Variants in ARL3 observed in about 807,000 individuals in gnomAD.
ARL3 encodes ARF like GTPase 3, also known as ADP-ribosylation factor-like protein 3.
In ARL3, 9 loss-of-function variants were observed where a neutral mutation model predicts 26.0. That is an observed-to-expected ratio of 0.35 (90% CI 0.21 to 0.60). ARL3 has a LOEUF of 0.60. Among genes scored for constraint, ARL3 ranks in the 20% least tolerant of loss-of-function variants. ARL3 has a pLI of 0.78. For missense variants in ARL3, 158 were observed against 215.7 expected (o/e 0.73, Z 1.67); for synonymous variants, 71 against 78.4 (o/e 0.91, Z 0.50).
At chr10:102,681,770 C>T (rs1347308642) in intron 5 of ARL3, among the ~76,000 whole-genome samples, 1 of 152,256 alleles carries the variant, frequency 6.6e-6, no homozygotes, top group Middle Eastern at 3.4e-3. Flanking sequence ...GTTAAAACTT[C>T]GGATCTCTGC....
chr10:102,688,714 G>A (rs1392863586), intron 4 of ARL3, among the ~76,000 whole-genome samples: 1 of 152,024 alleles, frequency 6.6e-6, no homozygotes, highest in Admixed American at 6.5e-5. Context: ...TGTTAGCCAG[G>A]ATGGTCTTGA....
chr10:102,710,745 T>C (rs1399610010), intron 1 of ARL3, among the ~76,000 whole-genome samples: 1 of 151,926 alleles, frequency 6.6e-6, no homozygotes, highest in African/African-American at 2.4e-5. Context: ...GTATACAAGT[T>C]ATCTACACCC....
In ARL3 at chr10:102,674,211, G is replaced by A. The variant is rs922855531; in HGVS notation, c.*2683C>T. On this transcript the variant is annotated 3_prime_UTR_variant, in exon 6 of 6. Coordinates refer to ENST00000260746, the MANE Select transcript of ARL3 (RefSeq NM_004311.4). ...TCCTCCCAGCAGCCGTGGGAGCTGCGGACTCCTTTAACCCTGGCACATTTC... is the reference window on the plus strand; with the variant it reads ...TCCTCCCAGCAGCCGTGGGAGCTGCAGACTCCTTTAACCCTGGCACATTTC... 1 of 152,210 alleles carries A rather than the reference G, an allele frequency of 6.6e-6. No homozygotes were observed. Among genetic ancestry groups the A allele is most frequent in the Admixed American group, 6.6e-5 (1 of 15,262 alleles). 9.4% of individuals were successfully genotyped at this position (152,210 alleles called of 1,614,324 possible).
At chr10:102,712,997 G>C (rs993127767) in intron 1 of ARL3, among the ~76,000 whole-genome samples, 3 of 143,472 alleles carry the variant, frequency 2.1e-5, no homozygotes, top group African/African-American at 7.7e-5. Context: ...AATCAATTGA[G>C]TTTTTTTTTT....
In ARL3 at chr10:102,685,363, A is replaced by G. The variant is rs577482391; in HGVS notation, c.501+453T>C. ...GCCTCCCAGTGGGAAACCAACCTGA[A>G]GTAGCAGGAAACAGACACCAACCCT... On this transcript the variant is annotated intron_variant, in intron 5 of 5. Transcript: ENST00000260746. Among the ~76,000 whole-genome samples, 6 of 152,276 alleles carry G rather than the reference A, an allele frequency of 3.9e-5. No individual in the cohort carries two copies. In the South Asian group the frequency reaches 1.2e-3, roughly 32 times the overall value.
Position 102,714,368 on chromosome 10 carries a change from A to C in ARL3, c.-93T>G, listed in dbSNP as rs1375487353. 1.6e-5 allele frequency: 19 copies of C among 1,222,036 alleles called. No homozygotes were observed. Among genetic ancestry groups the C allele is most frequent in the South Asian group, 1.2e-4 (3 of 25,816 alleles). 75.7% of individuals were successfully genotyped at this position (1,222,036 alleles called of 1,614,324 possible). ...CGGCGCCGCCCCCGACGTCCCTCGCACGCACAGCTGAGGAGCTGAGCAGCA... is the reference window on the plus strand; with the variant it reads ...CGGCGCCGCCCCCGACGTCCCTCGCCCGCACAGCTGAGGAGCTGAGCAGCA... On this transcript the variant is annotated 5_prime_UTR_variant, in exon 1 of 6. Coordinates refer to ENST00000260746, the MANE Select transcript of ARL3 (RefSeq NM_004311.4).
At chr10:102,686,312 T>A (rs925448943) in intron 4 of ARL3, among the ~76,000 whole-genome samples, 3 of 151,918 alleles carry the variant, frequency 2.0e-5, no homozygotes, top group African/African-American at 4.8e-5. Flanking sequence ...CCTCAGGTGA[T>A]CCACCCACCT....
chr10:102,687,910 C>T (rs1446666225), intron 4 of ARL3, among the ~76,000 whole-genome samples: 2 of 152,062 alleles, frequency 1.3e-5, no homozygotes, highest in African/African-American at 4.8e-5. Context: ...TTATTACCTG[C>T]AAATAACTTT....
chr10:102,688,251 G>C (rs1475976509), intron 4 of ARL3, among the ~76,000 whole-genome samples: 2 of 152,182 alleles, frequency 1.3e-5, no homozygotes, highest in Non-Finnish European at 2.9e-5. Flanking sequence ...CTTTCAAAGA[G>C]AACTGTATGG....
intron 4 of ARL3, among the ~76,000 whole-genome samples, chr10:102,687,486 G>A (rs942011614): frequency 3.3e-5 from 5 of 151,758 alleles, no homozygotes; most frequent in Admixed American, 6.6e-5. Flanking sequence ...GGCGGAGTTC[G>A]AGACCAGTCT....
At position 102,699,442 on chromosome 10, in the gene ARL3, T is replaced by C. The variant is rs747603636; in HGVS notation, c.195A>G (p.Val65=). 5 of 1,613,070 alleles carry C rather than the reference T, an allele frequency of 3.1e-6. No homozygotes were observed. The highest frequency in any genetic ancestry group is 1.7e-5 in the Admixed American group (1 of 59,948). The change falls in exon 3 of 6, where the codon GTA becomes GTG. Residue 65 remains valine (V), a synonymous_variant. Transcript: ENST00000260746. ...TTTTCCTCTGTCCACCAATGTCCCATACATTCAGTTTAAAACCTTGTGATT... is the reference window on the plus strand; with the variant it reads ...TTTTCCTCTGTCCACCAATGTCCCACACATTCAGTTTAAAACCTTGTGATT... ...SVQSQGFKLN[V]WDIGGQRKIR... is the part of the protein sequence containing the mutation.
At chr10:102,693,233 TAA>T (rs1452865802) in intron 3 of ARL3, among the ~76,000 whole-genome samples, 1 of 152,228 alleles carries the variant, frequency 6.6e-6, no homozygotes, top group African/African-American at 2.4e-5. Context: ...GACTGTATGC[TAA>T]GACTATGTTT....
chr10:102,693,275 C>T (rs2064229391), intron 3 of ARL3, among the ~76,000 whole-genome samples: 1 of 152,120 alleles, frequency 6.6e-6, no homozygotes, highest in Non-Finnish European at 1.5e-5. Flanking sequence ...AACTGTCTTC[C>T]AAAGTGGGTG....
chr10:102,710,477 C>G (rs2064332486), intron 1 of ARL3, among the ~76,000 whole-genome samples: 1 of 152,166 alleles, frequency 6.6e-6, no homozygotes, highest in Non-Finnish European at 1.5e-5. Context: ...TGAAGGGAGA[C>G]AGCGATTAGA....
intron 5 of ARL3, among the ~76,000 whole-genome samples, chr10:102,679,317 C>T (rs2135994979): frequency 6.6e-6 from 1 of 152,342 alleles, no homozygotes; most frequent in Non-Finnish European, 1.5e-5. Context: ...CTAGGGGAGG[C>T]TCCCATCAGA....
intron 4 of ARL3, among the ~76,000 whole-genome samples, chr10:102,687,840 T>G (rs573679652): frequency 6.6e-6 from 1 of 152,142 alleles, no homozygotes; most frequent in South Asian, 2.1e-4. Context: ...AGAACACTTT[T>G]GAGAAAATCA....
intron 2 of ARL3, 74 bp from the exon 3 acceptor site, chr10:102,699,563 CTA>C: frequency 1.2e-6 from 1 of 815,466 alleles, no homozygotes; most frequent in Non-Finnish European, 2.0e-6. Context: ...CATTTAATAG[CTA>C]TGTTTTTTAT....
intron 1 of ARL3, 127 bp from the exon 2 acceptor site, chr10:102,705,616 C>A: frequency 6.0e-6 from 6 of 1,007,264 alleles, no homozygotes; most frequent in Non-Finnish European, 8.0e-6. Context: ...ATTTTTCATT[C>A]TAATGCCACT....
intron 3 of ARL3, among the ~76,000 whole-genome samples, chr10:102,690,676 A>G (rs975784993): frequency 6.6e-6 from 1 of 152,172 alleles, no homozygotes; most frequent in Non-Finnish European, 1.5e-5. Context: ...TATATCTTGA[A>G]AAGACATTTA....
Sources: gnomAD v4.1 joint callset for allele counts (sites outside exome capture counted in the v4.1 genomes callset) on GRCh38, gnomAD v4.1.1 for gene constraint, MANE v1.5 for transcripts, NCBI Gene and HGNC (gene_info 2026-07-23, HGNC 2026-07-21) for gene names.